EMILIN2: variants seen among roughly 807,000 people sequenced by gnomAD.
The protein encoded by EMILIN2 is elastin microfibril interfacer 2.
A neutral mutation model predicts 87.1 loss-of-function variants in EMILIN2; 71 were observed. The observed-to-expected ratio is 0.82, with a 90% CI of 0.67 to 0.99. EMILIN2 has a LOEUF of 0.99. Among genes scored for constraint, EMILIN2 ranks in the 50% least tolerant of loss-of-function variants. The pLI is 0.00. For missense variants in EMILIN2, 1,407 were observed against 1,371.8 expected (o/e 1.03, Z -0.40); for synonymous variants, 581 against 563.4 (o/e 1.03, Z -0.44).
intron 2 of EMILIN2, among the ~76,000 whole-genome samples, chr18:2,865,167 C>T (rs1336086913): frequency 6.6e-6 from 1 of 151,254 alleles, no homozygotes; most frequent in Non-Finnish European, 1.5e-5. Context: ...TTTGAACTTC[C>T]TCCTTTAGCT....
At chr18:2,846,747 G>A (rs977194785), upstream of EMILIN2, 2 of 985,292 alleles carry the variant, frequency 2.0e-6, no homozygotes, top group African/African-American at 3.5e-5. This position sits in a 1 kb window ranked among gnomAD's most constrained non-coding sequence, Gnocchi z 5.3. Context: ...GTCGGAAGGT[G>A]GGAGGCGGAG....
At position 2,891,439 on chromosome 18, in the gene EMILIN2, A is replaced by C. The variant is rs201254502; in HGVS notation, c.1312A>C (p.Ile438Leu). The C allele has an allele frequency of 5.0e-6, 8 of 1,614,250 alleles. No individual in the cohort carries two copies. The highest frequency in any genetic ancestry group is 6.8e-6 in the Non-Finnish European group (8 of 1,180,048). The change falls in exon 4 of 8, where the codon ATA becomes CTA. Residue 438 changes from isoleucine to leucine, a missense_variant. By Grantham distance (5) the Ile-to-Leu change is conservative (BLOSUM62 2). Transcript: ENST00000254528. This position sits in a 1 kb window ranked among gnomAD's most constrained non-coding sequence, Gnocchi z 4.6. ...ACTGGACAATGAGTTTGACCGCCTT[A>C]TAGTTCCAGAGCCAGATGTGGATTT... The part of the protein sequence containing the change: ...GRLDNEFDRL[I>L]VPEPDVDFDA...
Position 2,906,774 on chromosome 18 carries a change from GC to G in EMILIN2, c.2360-6del. 1 of 1,257,458 alleles carries G rather than the reference GC, an allele frequency of 8.0e-7. No homozygotes were observed. 77.9% of individuals were successfully genotyped at this position (1,257,458 alleles called of 1,614,324 possible). On this transcript the variant is annotated splice_polypyrimidine_tract_variant and splice_region_variant and intron_variant, in intron 4 of 7. Coordinates refer to ENST00000254528, the MANE Select transcript of EMILIN2 (RefSeq NM_032048.3). Reference sequence around the variant, plus strand: ...TCCCGTGTGTTTCTTTCTCCCCGACGCCCGGCAGAGGCGCCCTCGCCCCCGC... The same window carrying G: ...TCCCGTGTGTTTCTTTCTCCCCGACGCCGGCAGAGGCGCCCTCGCCCCCGC...
intron 2 of EMILIN2, among the ~76,000 whole-genome samples, chr18:2,868,458 T>A (rs1047121280): frequency 1.2e-4 from 18 of 151,464 alleles, no homozygotes; most frequent in Admixed American, 8.6e-4. Context: ...GGCTGGGAGG[T>A]GGTTGCAGCC....
At chr18:2,862,379 A>G (rs1433254505) in intron 2 of EMILIN2, among the ~76,000 whole-genome samples, 1 of 152,192 alleles carries the variant, frequency 6.6e-6, no homozygotes, top group Non-Finnish European at 1.5e-5. Context: ...TTTGTCATAG[A>G]TAGCTCTTAT....
chr18:2,846,610 A>C (rs1598481413), upstream of EMILIN2, among the ~76,000 whole-genome samples: 1 of 151,436 alleles, frequency 6.6e-6, no homozygotes, highest in African/African-American at 2.4e-5. The surrounding 1 kb of genome is among the most constrained non-coding windows in gnomAD (Gnocchi z 5.3). Context: ...TCGAGCCCCC[A>C]CTCCTCTCCC....
chr18:2,911,615 G>C (rs569899261), intron 7 of EMILIN2, among the ~76,000 whole-genome samples: 1 of 152,318 alleles, frequency 6.6e-6, no homozygotes, highest in South Asian at 2.1e-4. Flanking sequence ...AGTTGGGGTA[G>C]GGGCTCTCCT....
chr18:2,867,924 C>T (rs1178226284), intron 2 of EMILIN2, among the ~76,000 whole-genome samples: 17 of 150,742 alleles, frequency 1.1e-4, no homozygotes, highest in Admixed American at 2.0e-4. Context: ...CCAGTAGGGG[C>T]GGCCGGGCAG....
chr18:2,888,497 C>G (rs1456986516), intron 3 of EMILIN2, among the ~76,000 whole-genome samples: 2 of 151,938 alleles, frequency 1.3e-5, no homozygotes, highest in Non-Finnish European at 2.9e-5. Context: ...GGGTGGATCA[C>G]AAGGTCAGGA....
rs2076827468 is a variant in EMILIN2, at chr18:2,890,222, T to C, written c.434-339T>C. Among the ~76,000 whole-genome samples the C allele has an allele frequency of 2.6e-5, 4 of 152,154 alleles. No homozygotes were observed. The highest frequency in any genetic ancestry group is 1.3e-4 in the Admixed American group (2 of 15,272). On this transcript the variant is annotated intron_variant, in intron 3 of 7. Transcript: ENST00000254528. The surrounding 1 kb of genome is among the most constrained non-coding windows in gnomAD (Gnocchi z 4.7). ...GGATAATGAATATTTCCCCTCAGGG[T>C]GAAAGAGACCATTGATTATCTAATA...
chr18:2,855,986 G>A lies in EMILIN2; in HGVS notation c.257+8055G>A, dbSNP rs1021633328. ...CTTTGGGTTTGAAGTTAATGCTTAC[G>A]GACACATTGGAGAAAGGCTAAAATG... On this transcript the variant is annotated intron_variant, in intron 2 of 7. Transcript: ENST00000254528. Among the ~76,000 whole-genome samples the A allele has an allele frequency of 7.2e-5, 11 of 152,292 alleles. 1 individual carries two copies. In the East Asian group the frequency reaches 1.9e-3, roughly 27 times the overall value.
chr18:2,913,471 G>A lies in EMILIN2; in HGVS notation c.*67G>A, dbSNP rs1177514919. ...AAACTCTAAAGCTTTAATATATTCG[G>A]TTTGTATGTAATGGAAGCACGGGGC... On this transcript the variant is annotated 3_prime_UTR_variant, in exon 8 of 8. Coordinates refer to ENST00000254528, the MANE Select transcript of EMILIN2 (RefSeq NM_032048.3). 7.5e-7 allele frequency: 1 copy of A among 1,326,898 alleles called. No individual in the cohort carries two copies. The highest frequency in any genetic ancestry group is 1.0e-6 in the Non-Finnish European group (1 of 970,452). 82.2% of individuals were successfully genotyped at this position (1,326,898 alleles called of 1,614,324 possible). A position where few individuals can be genotyped will look rare whatever the true frequency, so the allele number is the denominator to read the frequency against.
chr18:2,862,856 T>G (rs570779014), intron 2 of EMILIN2, among the ~76,000 whole-genome samples: 100 of 152,270 alleles, frequency 6.6e-4, no homozygotes, highest in African/African-American at 2.3e-3. Context: ...GGTCCTGGAC[T>G]TTTTTTGGTT....
rs1319803430 is a variant in EMILIN2, at chr18:2,914,246, T to G, written c.*842T>G. The G allele has an allele frequency of 6.6e-6, 1 of 152,250 alleles. No individual in the cohort carries two copies. Among genetic ancestry groups the G allele is most frequent in the Non-Finnish European group, 1.5e-5 (1 of 68,044 alleles). 9.4% of individuals were successfully genotyped at this position (152,250 alleles called of 1,614,324 possible). A position where few individuals can be genotyped will look rare whatever the true frequency, so the allele number is the denominator to read the frequency against. ...ATCCAAGCTATACACTTGGGTTTTG[T>G]TTCTGGCTTGTGAAGACGGACCAGA... On this transcript the variant is annotated 3_prime_UTR_variant, in exon 8 of 8. Transcript: ENST00000254528.
At chr18:2,866,033 G>A (rs897998300) in intron 2 of EMILIN2, among the ~76,000 whole-genome samples, 7 of 152,258 alleles carry the variant, frequency 4.6e-5, no homozygotes, top group African/African-American at 1.7e-4. Flanking sequence ...AATCTGGTGT[G>A]TGCTGTTTGC....
In EMILIN2 at chr18:2,913,214, A is replaced by G; in HGVS notation, c.2972A>G (p.Glu991Gly). The change falls in exon 8 of 8, where the codon GAA becomes GGA. Residue 991 changes from glutamate (E) to glycine (G), a missense_variant. By Grantham distance (98) the Glu-to-Gly change is moderately conservative. Coordinates refer to ENST00000254528, the MANE Select transcript of EMILIN2 (RefSeq NM_032048.3). ...GCTGGGTACAGGAGAGAGTTCCTGG[A>G]ATACCACCGCCCTCCAGGAGCTTTG... ...HTAGYRREFLEYHRPPGALHT... is the reference protein window; with the variant it reads ...HTAGYRREFLGYHRPPGALHT... 6.2e-7 allele frequency: 1 copy of G among 1,613,866 alleles called. No individual in the cohort carries two copies. The highest frequency in any genetic ancestry group is 1.1e-5 in the South Asian group (1 of 91,074).
chr18:2,885,399 C>T (rs1248583201), intron 3 of EMILIN2, among the ~76,000 whole-genome samples: 1 of 152,190 alleles, frequency 6.6e-6, no homozygotes, highest in African/African-American at 2.4e-5. Context: ...GTAGGAAATG[C>T]CAGTGGGTTC....
intron 4 of EMILIN2, among the ~76,000 whole-genome samples, chr18:2,905,962 G>A (rs1252267208): frequency 1.3e-5 from 2 of 152,202 alleles, no homozygotes; most frequent in African/African-American, 4.8e-5. Context: ...ACGGCAGGTC[G>A]GGAGGCAGCC....
At chr18:2,889,758 T>G (rs1460500655) in intron 3 of EMILIN2, among the ~76,000 whole-genome samples, 2 of 143,824 alleles carry the variant, frequency 1.4e-5, no homozygotes, top group East Asian at 4.4e-4. Context: ...GCCCTTGAAC[T>G]CCTGGGCTCA....
Sources: gnomAD v4.1 joint callset for allele counts (sites outside exome capture counted in the v4.1 genomes callset) on GRCh38, gnomAD v4.1.1 for gene constraint, Gnocchi (gnomAD v3.1) non-coding constraint, MANE v1.5 for transcripts, NCBI Gene and HGNC (gene_info 2026-07-23, HGNC 2026-07-21) for gene names.